Variants in NFATC1 observed in about 807,000 individuals in gnomAD.
NFATC1 encodes the protein nuclear factor of activated T-cells, cytoplasmic 1.
In NFATC1, 22 loss-of-function variants were observed where a neutral mutation model predicts 76.0. That is an observed-to-expected ratio of 0.29 (90% confidence interval 0.21 to 0.41). The LOEUF (loss-of-function observed/expected upper bound fraction) is 0.41, where lower values mean the gene tolerates loss of function less well. Among genes scored for constraint, NFATC1 ranks in the 10% least tolerant of loss-of-function variants. NFATC1 has a pLI of 1.00. For missense variants in NFATC1, 1,357 were observed against 1,337.7 expected (o/e 1.01, Z -0.23); for synonymous variants, 704 against 613.1 (o/e 1.15, Z -2.19).
At chr18:79,424,192 G>A (rs1217221822) in intron 2 of NFATC1, among the ~76,000 whole-genome samples, 1 of 152,232 alleles carries the variant, frequency 6.6e-6, no homozygotes, top group South Asian at 2.1e-4. Context: ...CGGGGGTGAC[G>A]CACAGATGCC....
At chr18:79,478,160 G>A (rs2089151701) in intron 8 of NFATC1, among the ~76,000 whole-genome samples, 1 of 131,394 alleles carries the variant, frequency 7.6e-6, no homozygotes, top group South Asian at 2.5e-4. Context: ...GCTGCAGACA[G>A]AGCCCCCGAG....
At chr18:79,499,301 G>A (rs561322409) in intron 9 of NFATC1, among the ~76,000 whole-genome samples, 1 of 152,198 alleles carries the variant, frequency 6.6e-6, no homozygotes, top group African/African-American at 2.4e-5. Flanking sequence ...TAAGATGCTT[G>A]TTGTAATCTC....
chr18:79,521,586 G>T (rs550373828), intron 9 of NFATC1, among the ~76,000 whole-genome samples: 3 of 129,268 alleles, frequency 2.3e-5, no homozygotes, highest in Non-Finnish European at 3.2e-5. Flanking sequence ...TGTGTGTGTG[G>T]GGGGAGCATC....
intron 3 of NFATC1, among the ~76,000 whole-genome samples, chr18:79,448,094 C>T (rs1255756568): frequency 6.6e-6 from 1 of 152,244 alleles, no homozygotes; most frequent in African/African-American, 2.4e-5. Context: ...TGAGTCTCAC[C>T]CACACGGCGC....
chr18:79,478,832 C>T, intron 8 of NFATC1, among the ~76,000 whole-genome samples: 1 of 152,244 alleles, frequency 6.6e-6, no homozygotes, highest in South Asian at 2.1e-4. Context: ...CAGAGAGAAG[C>T]TGGGCCCCAG....
chr18:79,487,954 C>T lies in NFATC1; in HGVS notation c.2782+1017C>T, dbSNP rs147999219. ...ACAGTGAGTCCTCCCAAGTGTATGA[C>T]GTTTCCCAGGCCCGGGTTCCAGCAG... On this transcript the variant is annotated intron_variant, in intron 9 of 9. Coordinates refer to ENST00000427363, the MANE Select transcript of NFATC1 (RefSeq NM_001278669.2). Among the ~76,000 whole-genome samples, 99 of 152,322 alleles carry T rather than the reference C, an allele frequency of 6.5e-4. 1 individual carries two copies. Among genetic ancestry groups the T allele is most frequent in the Non-Finnish European group, 1.0e-3 (70 of 68,014 alleles).
At chr18:79,495,178 C>T (rs578222145) in intron 9 of NFATC1, among the ~76,000 whole-genome samples, 8 of 152,370 alleles carry the variant, frequency 5.3e-5, no homozygotes, top group Admixed American at 6.5e-5. Flanking sequence ...GGTCTCCCGC[C>T]GTGGCGTGCA....
chr18:79,433,439 A>C, intron 2 of NFATC1, 140 bp from the exon 3 acceptor site: 2 of 995,232 alleles, frequency 2.0e-6, no homozygotes, highest in Non-Finnish European at 3.1e-6. Context: ...GCATTGACAC[A>C]GGCTTCTCCA....
intron 9 of NFATC1, among the ~76,000 whole-genome samples, chr18:79,525,798 G>A (rs2145248136): frequency 6.6e-6 from 1 of 152,328 alleles, no homozygotes; most frequent in East Asian, 1.9e-4. Flanking sequence ...CCTGTTCTGA[G>A]CTACCTGAAC....
At chr18:79,458,034 A>G (rs2087831888) in intron 6 of NFATC1, among the ~76,000 whole-genome samples, 1 of 152,216 alleles carries the variant, frequency 6.6e-6, no homozygotes, top group African/African-American at 2.4e-5. Context: ...AAAAGCCGCC[A>G]TGAACCTCAG....
At chr18:79,507,363 C>T (rs1027093087) in intron 9 of NFATC1, among the ~76,000 whole-genome samples, 2 of 152,206 alleles carry the variant, frequency 1.3e-5, no homozygotes, top group African/African-American at 2.4e-5. Flanking sequence ...GTGCCGGGGC[C>T]GGTGGAGCCA....
At chr18:79,459,501 C>T (rs949725530) in intron 6 of NFATC1, among the ~76,000 whole-genome samples, 1 of 152,176 alleles carries the variant, frequency 6.6e-6, no homozygotes, top group Non-Finnish European at 1.5e-5. Flanking sequence ...AACGCGACAT[C>T]CTGGCCCCGT....
At chr18:79,478,376 G>A (rs528238288) in intron 8 of NFATC1, among the ~76,000 whole-genome samples, 121 of 152,260 alleles carry the variant, frequency 7.9e-4, no homozygotes, top group African/African-American at 2.8e-3. Context: ...AGGGGACTAC[G>A]TTGGGAGGAG....
intron 9 of NFATC1, among the ~76,000 whole-genome samples, chr18:79,504,283 G>T (rs536215348): frequency 1.2e-4 from 19 of 152,316 alleles, no homozygotes; most frequent in African/African-American, 4.3e-4. Context: ...AGTGAGAGAC[G>T]TGTGACCTTT....
At chr18:79,490,088 TC>T (rs552582945) in intron 9 of NFATC1, among the ~76,000 whole-genome samples, 2 of 147,488 alleles carry the variant, frequency 1.4e-5, no homozygotes, top group Non-Finnish European at 3.1e-5. Flanking sequence ...TGGCCTGATC[TC>T]CCCCCCGCCC....
chr18:79,469,463 A>AT, intron 8 of NFATC1: 1 of 985,414 alleles, frequency 1.0e-6, no homozygotes, highest in Non-Finnish European at 1.2e-6. Flanking sequence ...TGGCCACAGC[A>AT]TGAAGCCGGT....
chr18:79,458,466 G>A (rs2087865639), intron 6 of NFATC1, among the ~76,000 whole-genome samples: 1 of 152,182 alleles, frequency 6.6e-6, no homozygotes, highest in Non-Finnish European at 1.5e-5. Flanking sequence ...ACCGGCGTGG[G>A]GGTGGCCCGG....
intron 1 of NFATC1, chr18:79,400,217 G>A: frequency 2.5e-6 from 3 of 1,198,496 alleles, no homozygotes; most frequent in African/African-American, 1.6e-5. Context: ...GAAGCCGGCG[G>A]CCGCGAGCCG....
At chr18:79,434,835 C>T (rs1239971167) in intron 3 of NFATC1, among the ~76,000 whole-genome samples, 1 of 152,238 alleles carries the variant, frequency 6.6e-6, no homozygotes, top group Non-Finnish European at 1.5e-5. Flanking sequence ...TGGGGTGAGG[C>T]GTTTTCGCCA....
Sources: gnomAD v4.1 joint callset for allele counts (sites outside exome capture counted in the v4.1 genomes callset) on GRCh38, gnomAD v4.1.1 for gene constraint, MANE v1.5 for transcripts, NCBI Gene and HGNC (gene_info 2026-07-23, HGNC 2026-07-21) for gene names.